DPP6: variants seen among roughly 807,000 people sequenced by gnomAD.
DPP6 encodes the protein A-type potassium channel modulatory protein DPP6.
A neutral mutation model predicts 122.6 loss-of-function variants in DPP6; 69 were observed. The ratio of observed to expected loss-of-function variants is 0.56; its 90% confidence interval spans 0.46 to 0.69. The LOEUF (loss-of-function observed/expected upper bound fraction) is 0.69. DPP6 is among the 30% of genes least tolerant of loss of function. The pLI, the probability that DPP6 is intolerant of heterozygous loss-of-function variation, is 0.00. For synonymous variants in DPP6, 418 were observed against 433.1 expected, an observed-to-expected ratio of 0.97 and a Z score of 0.43; for missense variants, 928 against 1,116.9, an observed-to-expected ratio of 0.83 and a Z score of 2.41.
chr7:153,769,580 AGG>A, the DPP6 span, among the ~76,000 whole-genome samples: 2 of 152,226 alleles, frequency 1.3e-5, no homozygotes, highest in Non-Finnish European at 2.9e-5. Flanking sequence ...AGCTCTGGAA[AGG>A]GGTAATTCTA....
chr7:154,314,599 G>A (rs1035576011), intron 1 of DPP6, among the ~76,000 whole-genome samples: 2 of 152,206 alleles, frequency 1.3e-5, no homozygotes, highest in Non-Finnish European at 2.9e-5. Flanking sequence ...TGTCAGCAGA[G>A]CCCCAGGGCA....
At chr7:154,127,656 C>CAG in intron 1 of DPP6, among the ~76,000 whole-genome samples, 1 of 149,798 alleles carries the variant, frequency 6.7e-6, no homozygotes, top group African/African-American at 2.5e-5. Flanking sequence ...CACACAGACA[C>CAG]ACACACACAC....
rs562158480 is a variant in DPP6, at chr7:154,871,007, A to G, written c.1814-1617A>G. ...AAAATGTGTGTGTTATCCCAGCCCA[A>G]TGGAGAAACCATTGCCCCGGCATGT... On this transcript the variant is annotated intron_variant, in intron 18 of 25. Coordinates refer to ENST00000377770, the MANE Select transcript of DPP6 (RefSeq NM_130797.4). Among the ~76,000 whole-genome samples, 11 of 149,678 alleles carry G rather than the reference A, an allele frequency of 7.3e-5. No homozygotes were observed. The South Asian group carries it at 1.7e-3, about 23-fold the overall frequency.
At chr7:154,147,795 C>T (rs1437294682) in intron 1 of DPP6, among the ~76,000 whole-genome samples, 2 of 152,136 alleles carry the variant, frequency 1.3e-5, no homozygotes, top group South Asian at 2.1e-4. Flanking sequence ...CCGCCTGCCT[C>T]AGCCTCCCAA....
At chr7:154,679,529 C>G (rs888936698) in intron 7 of DPP6, among the ~76,000 whole-genome samples, 2 of 152,156 alleles carry the variant, frequency 1.3e-5, no homozygotes, top group African/African-American at 4.8e-5. Flanking sequence ...TACAGCCTGG[C>G]TCAGGGTTAG....
intron 1 of DPP6, among the ~76,000 whole-genome samples, chr7:154,206,725 T>G (rs1315734687): frequency 6.6e-6 from 1 of 152,218 alleles, no homozygotes; most frequent in Non-Finnish European, 1.5e-5. Context: ...GGGGTTTTAC[T>G]GTAGAGCGAT....
chr7:153,920,004 G>A (rs2129007885), intron 1 of DPP6, among the ~76,000 whole-genome samples: 1 of 152,318 alleles, frequency 6.6e-6, no homozygotes, highest in African/African-American at 2.4e-5. Flanking sequence ...TGAGCTTATT[G>A]ATTTAGTTTT....
intron 1 of DPP6, among the ~76,000 whole-genome samples, chr7:154,160,833 A>G (rs1402536299): frequency 1.3e-5 from 2 of 152,186 alleles, no homozygotes; most frequent in South Asian, 2.1e-4. Flanking sequence ...TGACTATCCT[A>G]ATACAGTCAG....
intron 1 of DPP6, among the ~76,000 whole-genome samples, chr7:154,225,563 A>G (rs1161368089): frequency 6.7e-6 from 1 of 150,042 alleles, no homozygotes; most frequent in Non-Finnish European, 1.5e-5. Context: ...TTAATCGAAG[A>G]AAAAAAATGA....
At chr7:154,458,495 T>C (rs1820998513) in intron 2 of DPP6, among the ~76,000 whole-genome samples, 1 of 152,088 alleles carries the variant, frequency 6.6e-6, no homozygotes, top group South Asian at 2.1e-4. Flanking sequence ...ACAAGATGCT[T>C]CCCCAGAACC....
At position 154,863,992 on chromosome 7, in the gene DPP6, C is replaced by T. The variant is rs1057031758; in HGVS notation, c.1715-4003C>T. Among the ~76,000 whole-genome samples, 1 of 152,004 alleles carries T rather than the reference C, an allele frequency of 6.6e-6. No individual in the cohort carries two copies. The highest frequency in any genetic ancestry group is 1.9e-4 in the East Asian group (1 of 5,170). On this transcript the variant is annotated intron_variant, in intron 17 of 25. Transcript: ENST00000377770. The surrounding 1 kb of genome is among the most constrained non-coding windows in gnomAD (Gnocchi z 4.1). ...GGGCGAGGTGGGGCAGAGAGGGGTC[C>T]TACTGATGGCCGCAGGGGAAGGTGC...
At chr7:154,054,918 T>A (rs568713104) in intron 1 of DPP6, among the ~76,000 whole-genome samples, 20 of 151,816 alleles carry the variant, frequency 1.3e-4, no homozygotes, top group East Asian at 1.2e-3. Flanking sequence ...CATCTTTTTT[T>A]AAAAAAATCT....
At chr7:153,986,863 C>T (rs373369717) in intron 1 of DPP6, among the ~76,000 whole-genome samples, 3 of 151,094 alleles carry the variant, frequency 2.0e-5, no homozygotes, top group Non-Finnish European at 3.0e-5. Flanking sequence ...CTGTAGAGCA[C>T]GTTGCACTGA....
chr7:154,229,827 C>G (rs763976119), intron 1 of DPP6, among the ~76,000 whole-genome samples: 6 of 151,834 alleles, frequency 4.0e-5, no homozygotes, highest in African/African-American at 7.3e-5. Context: ...CAAACTAGAT[C>G]CTGTTCAGAC....
intron 1 of DPP6, among the ~76,000 whole-genome samples, chr7:154,083,278 C>T (rs1485799351): frequency 1.3e-5 from 2 of 152,052 alleles, no homozygotes; most frequent in East Asian, 3.9e-4. Flanking sequence ...GGAAGCCCTC[C>T]TTGCAGAAGC....
chr7:154,554,129 A>G (rs1491837), intron 4 of DPP6, among the ~76,000 whole-genome samples: 4,008 of 152,188 alleles, frequency 0.026, 92 homozygotes, highest in East Asian at 0.094. Flanking sequence ...AAATTAAATT[A>G]TTCTTAGGTG....
intron 1 of DPP6, among the ~76,000 whole-genome samples, chr7:153,890,819 T>C: frequency 6.9e-6 from 1 of 145,722 alleles, no homozygotes; most frequent in South Asian, 2.3e-4. Flanking sequence ...GCCTCTCGAG[T>C]AGCTGGGGAC....
chr7:153,803,797 G>A, the DPP6 span, among the ~76,000 whole-genome samples: 1 of 149,438 alleles, frequency 6.7e-6, no homozygotes, highest in Non-Finnish European at 1.5e-5. Context: ...AAACAGATAA[G>A]GATATATATG....
intron 1 of DPP6, among the ~76,000 whole-genome samples, chr7:154,032,103 T>C (rs1053430091): frequency 2.0e-4 from 31 of 151,670 alleles, no homozygotes; most frequent in African/African-American, 7.5e-4. Context: ...CTCGATCTCC[T>C]GACCTTGTGA....
Sources: allele counts gnomAD v4.1 joint callset (sites outside exome capture counted in the v4.1 genomes callset), GRCh38; gene constraint gnomAD v4.1.1; non-coding constraint Gnocchi (gnomAD v3.1); transcripts MANE v1.5; gene names NCBI Gene and HGNC (gene_info 2026-07-23, HGNC 2026-07-21).